The following FGF12 variants were observed in gnomAD, a reference collection of about 807,000 sequenced individuals.
FGF12 encodes fibroblast growth factor 12, also known as fibroblast growth factor 12B.
FGF12 carries 14 observed loss-of-function variants against 23.6 expected under a neutral mutation model. The ratio of observed to expected loss-of-function variants is 0.59; its 90% CI spans 0.39 to 0.93. The LOEUF is 0.93. FGF12 is among the 40% of genes least tolerant of loss of function. FGF12 has a pLI of 0.00. For synonymous variants in FGF12, 62 were observed against 77.3 expected, an observed-to-expected ratio of 0.80 and a Z score of 1.04; for missense variants, 175 against 217.8, an observed-to-expected ratio of 0.80 and a Z score of 1.24.
chr3:192,551,380 C>T (rs774046103), intron 2 of FGF12, among the ~76,000 whole-genome samples: 5 of 152,188 alleles, frequency 3.3e-5, no homozygotes, highest in Non-Finnish European at 7.3e-5. Context: ...GAAATCTTCA[C>T]AGAGGTTGCC....
chr3:192,383,125 C>A (rs1038948649), intron 2 of FGF12, among the ~76,000 whole-genome samples: 6 of 152,208 alleles, frequency 3.9e-5, no homozygotes, highest in Non-Finnish European at 7.3e-5. Context: ...CCTTAGAAGA[C>A]AGCAAAGTAG....
In FGF12 at chr3:192,167,764, TATATAA is replaced by T. The variant is rs1431905939; in HGVS notation, c.427+2688_427+2693del. 1.8e-3 allele frequency among the ~76,000 whole-genome samples: 59 copies of T among 32,392 alleles called. 6 individuals are homozygous for T. Among genetic ancestry groups the T allele is most frequent in the East Asian group, 0.016 (18 of 1,118 alleles). 21.3% of individuals were successfully genotyped at this position (32,392 alleles called of 152,430 possible). ...ATATATATATATATATATATATATA[TATATAA>T]AATTTTTTTTTTTTTTTTTTTTTGA... On this transcript the variant is annotated intron_variant, in intron 5 of 5. Coordinates refer to ENST00000445105, the MANE Select transcript of FGF12 (RefSeq NM_004113.6).
intron 2 of FGF12, among the ~76,000 whole-genome samples, chr3:192,400,672 C>T (rs1720723885): frequency 6.6e-6 from 1 of 152,134 alleles, no homozygotes; most frequent in African/African-American, 2.4e-5. Context: ...CCGTCCCCAC[C>T]TTCACATTCT....
At chr3:192,606,563 C>T (rs1376927172) in intron 2 of FGF12, among the ~76,000 whole-genome samples, 1 of 152,032 alleles carries the variant, frequency 6.6e-6, no homozygotes, top group Non-Finnish European at 1.5e-5. Flanking sequence ...TAAATTAGTG[C>T]ACATTAATAA....
At chr3:192,487,197 T>C (rs1723661670) in intron 2 of FGF12, among the ~76,000 whole-genome samples, 1 of 152,080 alleles carries the variant, frequency 6.6e-6, no homozygotes, top group South Asian at 2.1e-4. Context: ...TTCTTACTTG[T>C]TGGCTACAGC....
At chr3:192,205,076 T>C (rs571266884) in intron 4 of FGF12, among the ~76,000 whole-genome samples, 23 of 152,286 alleles carry the variant, frequency 1.5e-4, no homozygotes, top group African/African-American at 5.3e-4. Flanking sequence ...TGTCTAAGCA[T>C]GTGTTGTGGA....
intron 2 of FGF12, among the ~76,000 whole-genome samples, chr3:192,705,589 C>A (rs571020784): frequency 6.6e-6 from 1 of 152,194 alleles, no homozygotes; most frequent in Admixed American, 6.5e-5. Context: ...TGTGGCACTC[C>A]CAAAACAATT....
intron 3 of FGF12, among the ~76,000 whole-genome samples, chr3:192,352,139 G>A (rs1203667196): frequency 6.6e-6 from 1 of 151,904 alleles, no homozygotes; most frequent in Non-Finnish European, 1.5e-5. Flanking sequence ...AAATGTAACA[G>A]ATTTCACACA....
intron 3 of FGF12, among the ~76,000 whole-genome samples, chr3:192,341,264 C>T (rs2108708437): frequency 6.6e-6 from 1 of 152,164 alleles, no homozygotes; most frequent in East Asian, 1.9e-4. Context: ...CTAAAATAAA[C>T]ACTTCCAAGT....
intron 4 of FGF12, among the ~76,000 whole-genome samples, chr3:192,266,273 A>G (rs756950978): frequency 1.3e-5 from 2 of 152,164 alleles, no homozygotes; most frequent in Non-Finnish European, 2.9e-5. Flanking sequence ...TTAAATGCAG[A>G]TATTATTTCT....
intron 2 of FGF12, among the ~76,000 whole-genome samples, chr3:192,478,752 A>G (rs892914862): frequency 6.6e-6 from 1 of 152,206 alleles, no homozygotes; most frequent in Non-Finnish European, 1.5e-5. Context: ...TTCTTTTAAA[A>G]ACTATCATAG....
At chr3:192,543,240 T>G (rs1224658633) in intron 2 of FGF12, among the ~76,000 whole-genome samples, 1 of 152,164 alleles carries the variant, frequency 6.6e-6, no homozygotes, top group African/African-American at 2.4e-5. Context: ...CTTCACACTC[T>G]TCCCTCCCTT....
At chr3:192,276,809 A>G (rs1211857147) in intron 4 of FGF12, among the ~76,000 whole-genome samples, 5 of 152,216 alleles carry the variant, frequency 3.3e-5, no homozygotes, top group South Asian at 4.1e-4. Flanking sequence ...AACTGTAGGT[A>G]ATAAGATTCC....
intron 4 of FGF12, among the ~76,000 whole-genome samples, chr3:192,275,317 T>G (rs1347901266): frequency 6.6e-6 from 1 of 152,122 alleles, no homozygotes; most frequent in Admixed American, 6.6e-5. Flanking sequence ...GATAAGGAAG[T>G]TCCTCCTGCA....
intron 4 of FGF12, among the ~76,000 whole-genome samples, chr3:192,199,785 A>G (rs1426055064): frequency 6.6e-6 from 1 of 152,232 alleles, no homozygotes; most frequent in Non-Finnish European, 1.5e-5. Flanking sequence ...GAAAACAGTG[A>G]AGATGAAAGT....
chr3:192,420,593 C>T (rs1381761206), intron 2 of FGF12, among the ~76,000 whole-genome samples: 3 of 152,110 alleles, frequency 2.0e-5, no homozygotes, highest in African/African-American at 7.2e-5. Context: ...CTGGGGTGTA[C>T]CCCCTCTCTC....
chr3:192,521,423 A>T (rs1724809172), intron 2 of FGF12: 1 of 152,234 alleles, frequency 6.6e-6, no homozygotes, highest in Non-Finnish European at 1.5e-5. Flanking sequence ...TTCAAATGGA[A>T]GGAAAATGTT....
chr3:192,358,372 T>G (rs889284650), intron 3 of FGF12, among the ~76,000 whole-genome samples: 1 of 152,188 alleles, frequency 6.6e-6, no homozygotes, highest in Non-Finnish European at 1.5e-5. Context: ...AAATTTATCT[T>G]AATAAAATAT....
intron 4 of FGF12, among the ~76,000 whole-genome samples, chr3:192,192,980 C>T (rs1157147915): frequency 1.3e-5 from 2 of 152,232 alleles, no homozygotes; most frequent in African/African-American, 2.4e-5. Context: ...AGCACCTATA[C>T]TGAGTGAAAT....
Sources: gnomAD v4.1 joint callset for allele counts (sites outside exome capture counted in the v4.1 genomes callset) on GRCh38, gnomAD v4.1.1 for gene constraint, MANE v1.5 for transcripts, NCBI Gene and HGNC (gene_info 2026-07-23, HGNC 2026-07-21) for gene names.